OVCH2: variants seen among roughly 807,000 people sequenced by gnomAD.
The protein encoded by OVCH2 is ovochymase 2.
In OVCH2, 88 loss-of-function variants were observed where a neutral mutation model predicts 73.7. The observed-to-expected ratio is 1.19, with a 90% confidence interval of 1.01 to 1.43. The LOEUF (loss-of-function observed/expected upper bound fraction) is 1.43. Ranked by LOEUF, OVCH2 falls within the 40% of genes most tolerant of loss-of-function variation. The pLI is 0.00. For missense variants in OVCH2, 706 were observed against 674.5 expected, an observed-to-expected ratio of 1.05 and a Z score of -0.52; for synonymous variants, 265 against 234.5, an observed-to-expected ratio of 1.13 and a Z score of -1.19.
At chr11:7,692,431 T>C (rs1856239742) in intron 12 of OVCH2, among the ~76,000 whole-genome samples, 1 of 152,234 alleles carries the variant, frequency 6.6e-6, no homozygotes, top group South Asian at 2.1e-4. Flanking sequence ...TGAAATTTGT[T>C]GTGCCCCTTG....
chr11:7,681,286 C>T, the OVCH2 span, among the ~76,000 whole-genome samples: 1 of 152,166 alleles, frequency 6.6e-6, no homozygotes, highest in African/African-American at 2.4e-5. Context: ...TTAATGCTAC[C>T]TGTTCAGAAT....
intron 11 of OVCH2, 55 bp downstream of exon 11, chr11:7,695,515 C>A (rs1856313170): frequency 2.0e-6 from 3 of 1,517,244 alleles, no homozygotes; most frequent in Admixed American, 1.9e-5. Context: ...TCCTATGGGG[C>A]CTAAGCTTCT....
chr11:7,689,592 T>C lies in OVCH2; in HGVS notation c.*42A>G, dbSNP rs759311891. On this transcript the variant is annotated 3_prime_UTR_variant, in exon 16 of 16. Coordinates refer to ENST00000533663, the MANE Select transcript of OVCH2 (RefSeq NM_198185.7). Reference sequence around the variant, plus strand: ...CTGGTGGTTTACTGACAGTCACTGGTGCCCCTTGGCCTGTAGATAATGTAT... The same window carrying C: ...CTGGTGGTTTACTGACAGTCACTGGCGCCCCTTGGCCTGTAGATAATGTAT... The C allele has an allele frequency of 1.0e-4, 49 of 469,472 alleles. 2 individuals carry two copies. The Middle Eastern group carries it at 9.3e-3, about 89-fold the overall frequency. The allele number at this position is 469,472 out of a possible 1,614,324, so 29.1% of individuals were successfully genotyped here.
At chr11:7,691,531 T>C in intron 13 of OVCH2, 131 bp from the exon 14 acceptor site, 1 of 1,250,938 alleles carries the variant, frequency 8.0e-7, no homozygotes, top group Non-Finnish European at 1.1e-6. Context: ...ATTCATTTTC[T>C]AAATAAAGGC....
At chr11:7,702,067 C>A (rs1033452458) in intron 4 of OVCH2, 90 bp downstream of exon 4, 3 of 1,221,402 alleles carry the variant, frequency 2.5e-6, no homozygotes, top group Non-Finnish European at 3.5e-6. Context: ...AAGTGCATGA[C>A]CCAGAACGTA....
Position 7,702,242 on chromosome 11 carries a change from A to G in OVCH2, c.378T>C (p.Thr126=). 1 of 1,612,970 alleles carries G rather than the reference A, an allele frequency of 6.2e-7. No individual in the cohort carries two copies. The highest frequency in any genetic ancestry group is 8.5e-7 in the Non-Finnish European group (1 of 1,179,234). The change falls in exon 4 of 16, where the codon ACT becomes ACC. Residue 126 remains threonine, a synonymous_variant. Coordinates refer to ENST00000533663, the MANE Select transcript of OVCH2 (RefSeq NM_198185.7). ...DPGEQTLTIE[T]VIIHPHFSTK... is the part of the protein sequence containing the mutation. ...TGGAGAAATGTGGATGTATGATGAC[A>G]GTTTCAATAGTGAGAGTTTGCTCTC...
chr11:7,702,115 G>T, intron 4 of OVCH2, 42 bp downstream of exon 4: 1 of 1,516,820 alleles, frequency 6.6e-7, no homozygotes, highest in Non-Finnish European at 9.1e-7. Context: ...AGGTTATAGA[G>T]AACATGGGGT....
chr11:7,685,690 C>T (rs899356396), downstream of OVCH2, among the ~76,000 whole-genome samples: 8 of 152,320 alleles, frequency 5.3e-5, no homozygotes, highest in South Asian at 1.5e-3. Context: ...CTATGTTACA[C>T]TATTCCCTAA....
chr11:7,678,793 A>G, the OVCH2 span, among the ~76,000 whole-genome samples: 1 of 152,268 alleles, frequency 6.6e-6, no homozygotes, highest in East Asian at 1.9e-4. Flanking sequence ...TAGAAGGGAG[A>G]GGAAGGGAAG....
chr11:7,695,252 C>A, intron 11 of OVCH2, 64 bp from the exon 12 acceptor site: 1 of 1,473,446 alleles, frequency 6.8e-7, no homozygotes, highest in South Asian at 1.3e-5. Flanking sequence ...TCTCACTGCT[C>A]TCCCTCCTGT....
chr11:7,691,137 G>A (rs1856211503), intron 14 of OVCH2, 132 bp downstream of exon 14: 3 of 1,139,402 alleles, frequency 2.6e-6, no homozygotes, highest in Non-Finnish European at 3.8e-6. Context: ...CAGTGTCCAT[G>A]GTGACTTGAT....
chr11:7,697,823 C>T (rs949763580), intron 8 of OVCH2, among the ~76,000 whole-genome samples: 7 of 152,004 alleles, frequency 4.6e-5, no homozygotes, highest in Non-Finnish European at 7.4e-5. Flanking sequence ...TGTCCCCTCG[C>T]AACCCATCCC....
At chr11:7,693,793 C>G (rs1312326897) in intron 12 of OVCH2, among the ~76,000 whole-genome samples, 1 of 152,176 alleles carries the variant, frequency 6.6e-6, no homozygotes, top group African/African-American at 2.4e-5. Context: ...CATCTGACTT[C>G]ACGTGATATT....
At chr11:7,696,331 C>T (rs1856331368) in intron 10 of OVCH2, 134 bp downstream of exon 10, 1 of 1,312,294 alleles carries the variant, frequency 7.6e-7, no homozygotes, top group Non-Finnish European at 1.0e-6. Context: ...CTTCCCACTC[C>T]CAATTCTGAG....
chr11:7,704,651 C>A lies in OVCH2; in HGVS notation c.112G>T (p.Val38Phe), dbSNP rs200607224. Residue 38 changes from valine to phenylalanine, a missense_variant, in exon 2 of 16, where the codon GTT becomes TTT. Transcript: ENST00000533663. ...PKAPSCGQSL[V>F]KVQPWNYFNI... The stretch of plus-strand genomic sequence containing the variant: ...AAATAATTCCAAGGCTGTACCTTAA[C>A]CAGACTCTGCCCACAACTGGGAGCT... 119 of 1,612,152 alleles carry A rather than the reference C, an allele frequency of 7.4e-5. 1 individual carries two copies. Among genetic ancestry groups the A allele is most frequent in the Non-Finnish European group, 8.8e-5 (104 of 1,179,128 alleles).
intron 13 of OVCH2, 97 bp downstream of exon 13, chr11:7,691,805 G>A (rs1437581355): frequency 2.2e-6 from 2 of 901,212 alleles, no homozygotes; most frequent in East Asian, 5.3e-5. Flanking sequence ...GGTGGTGCAG[G>A]AAGATGGAGG....
Position 7,701,792 on chromosome 11 carries a change from T to C in OVCH2, c.483A>G (p.Ile161Met). 1.2e-6 allele frequency: 2 copies of C among 1,611,712 alleles called. No individual in the cohort carries two copies. Among genetic ancestry groups the C allele is most frequent in the Non-Finnish European group, 1.7e-6 (2 of 1,179,132 alleles). Residue 161 changes from isoleucine to methionine, a missense_variant, in exon 5 of 16, where the codon ATA becomes ATG. Transcript: ENST00000533663. ...ATTGCTCCCGCAGCTCTGGAAGACA[T>C]ATGGGCCCCACAAAGTGGCCTGAAG... is the stretch of plus-strand genomic sequence containing the variant. ...AFQFGHFVGP[I>M]CLPELREQFE...
Position 7,701,728 on chromosome 11 carries a change from G to C in OVCH2, c.547C>G (p.Arg183Gly), listed in dbSNP as rs750962963. ...GFICTTAGWG[R>G]LTEGGVLSQV... is the part of the protein sequence containing the mutation. ...CACAAGTTCTTACCTTCAGTTAAGC[G>C]GCCCCAGCCTGCAGTTGTACAAATA... Residue 183 changes from arginine (R) to glycine (G), a missense_variant, in exon 5 of 16, where the codon CGC becomes GGC. Arg to Gly is a moderately radical substitution (Grantham distance 125). Coordinates refer to ENST00000533663, the MANE Select transcript of OVCH2 (RefSeq NM_198185.7). 9.3e-6 allele frequency: 15 copies of C among 1,611,526 alleles called. No individual in the cohort carries two copies. The highest frequency in any genetic ancestry group is 1.3e-5 in the Non-Finnish European group (15 of 1,179,048).
intron 15 of OVCH2, 70 bp from the exon 16 acceptor site, chr11:7,689,672 T>C (rs1445393136): frequency 1.7e-6 from 1 of 571,656 alleles, no homozygotes; most frequent in African/African-American, 1.9e-5. Flanking sequence ...TGTGTATGTC[T>C]CTCTGCTTCC....
Sources: gnomAD v4.1 joint callset for allele counts (sites outside exome capture counted in the v4.1 genomes callset) on GRCh38, gnomAD v4.1.1 for gene constraint, MANE v1.5 for transcripts, NCBI Gene and HGNC (gene_info 2026-07-23, HGNC 2026-07-21) for gene names.